The following SYN2 variants were observed in gnomAD, a reference collection of about 807,000 sequenced individuals.
The protein encoded by SYN2 is synapsin II.
A neutral mutation model predicts 50.9 loss-of-function variants in SYN2; 19 were observed. The ratio of observed to expected loss-of-function variants is 0.37; its 90% confidence interval spans 0.26 to 0.55. The LOEUF (loss-of-function observed/expected upper bound fraction) is 0.55, where lower values mean the gene tolerates loss of function less well. Ranked by LOEUF, SYN2 falls within the 20% of genes least tolerant of loss-of-function variation. SYN2 has a pLI of 0.81. For synonymous variants in SYN2, 255 were observed against 224.9 expected, an observed-to-expected ratio of 1.13 and a Z score of -1.20; for missense variants, 587 against 576.4, an observed-to-expected ratio of 1.02 and a Z score of -0.19.
intron 1 of SYN2, among the ~76,000 whole-genome samples, chr3:12,100,089 T>C (rs1395219577): frequency 2.6e-5 from 4 of 152,040 alleles, no homozygotes; most frequent in Non-Finnish European, 4.4e-5. Context: ...GGATTTGATA[T>C]GGATTACATT....
At chr3:12,177,173 A>G (rs1698094454) in intron 10 of SYN2, among the ~76,000 whole-genome samples, 1 of 152,190 alleles carries the variant, frequency 6.6e-6, no homozygotes, top group Non-Finnish European at 1.5e-5. Flanking sequence ...GTTCTCTGGT[A>G]TGAAGAGAAA....
intron 1 of SYN2, among the ~76,000 whole-genome samples, chr3:12,081,298 ATACT>A (rs1400078470): frequency 6.6e-6 from 1 of 152,214 alleles, no homozygotes; most frequent in Non-Finnish European, 1.5e-5. Context: ...GGAAAATGAA[ATACT>A]TAATATTACC....
chr3:12,123,610 A>C (rs1190300083), intron 1 of SYN2, among the ~76,000 whole-genome samples: 1 of 152,146 alleles, frequency 6.6e-6, no homozygotes, highest in African/African-American at 2.4e-5. Flanking sequence ...GTCTAAAGAA[A>C]AACACAAACA....
chr3:12,175,623 T>C (rs1483986116), intron 10 of SYN2, among the ~76,000 whole-genome samples: 2 of 152,246 alleles, frequency 1.3e-5, no homozygotes, highest in Non-Finnish European at 2.9e-5. Flanking sequence ...TGTTTCTCCT[T>C]CTCTATCGTT....
intron 1 of SYN2, among the ~76,000 whole-genome samples, chr3:12,077,138 TAGTTA>T (rs1180279948): frequency 2.0e-5 from 3 of 152,054 alleles, no homozygotes; most frequent in Non-Finnish European, 4.4e-5. Context: ...TCTCCACACC[TAGTTA>T]AGTTAATATG....
chr3:12,113,761 G>A (rs1233575112), intron 1 of SYN2, among the ~76,000 whole-genome samples: 2 of 152,108 alleles, frequency 1.3e-5, no homozygotes, highest in African/African-American at 4.8e-5. Context: ...TTTAATTCAT[G>A]TTGTAGTGTC....
At chr3:12,088,632 A>C (rs1333378270) in intron 1 of SYN2, among the ~76,000 whole-genome samples, 1 of 150,678 alleles carries the variant, frequency 6.6e-6, no homozygotes, top group Non-Finnish European at 1.5e-5. Context: ...ATATGGAAAC[A>C]ATCTAAGTGT....
chr3:12,008,398 G>A lies in SYN2; in HGVS notation c.377+3470G>A, dbSNP rs201539265. Among the ~76,000 whole-genome samples, 12 of 152,276 alleles carry A rather than the reference G, an allele frequency of 7.9e-5. No individual in the cohort carries two copies. The East Asian group carries it at 2.3e-3, about 29-fold the overall frequency. On this transcript the variant is annotated intron_variant, in intron 1 of 12. Coordinates refer to ENST00000621198, the MANE Select transcript of SYN2 (RefSeq NM_133625.6). Reference sequence around the variant, plus strand: ...CATCTAAGAGCTTGCTGTCCAGATAGGTAGATAAGATAAATACTTTTGAAA... The same window carrying A: ...CATCTAAGAGCTTGCTGTCCAGATAAGTAGATAAGATAAATACTTTTGAAA...
chr3:12,153,610 G>A, intron 5 of SYN2: 1 of 1,614,158 alleles, frequency 6.2e-7, no homozygotes. Context: ...CAGACATAAT[G>A]CTGAGCCTGG....
chr3:12,109,210 A>G (rs1324827328), intron 1 of SYN2, among the ~76,000 whole-genome samples: 2 of 152,194 alleles, frequency 1.3e-5, no homozygotes, highest in African/African-American at 4.8e-5. Flanking sequence ...ACACAGTGCT[A>G]AAGGCACAGT....
chr3:12,168,400 C>G lies in SYN2; in HGVS notation c.1080C>G (p.Cys360Trp). 4 of 1,613,854 alleles carry G rather than the reference C, an allele frequency of 2.5e-6. No individual in the cohort carries two copies. Among genetic ancestry groups the G allele is most frequent in the Non-Finnish European group, 3.4e-6 (4 of 1,179,874 alleles). The stretch of plus-strand genomic sequence containing the variant: ...GGTACAAACTGTGGGTGGACACCTG[C>G]TCTGAGATGTTTGGCGGCCTGGACA... ...SDRYKLWVDT[C>W]SEMFGGLDIC... The change falls in exon 9 of 13, where the codon TGC becomes TGG. Residue 360 changes from cysteine to tryptophan, a missense_variant. Transcript: ENST00000621198.
intron 1 of SYN2, chr3:12,071,576 T>G (rs1426591982): frequency 2.9e-6 from 1 of 350,842 alleles, no homozygotes; most frequent in Non-Finnish European, 5.6e-6. Context: ...TTTTACCCCT[T>G]GGTATTTGTA....
chr3:12,016,813 G>A (rs560253264), intron 1 of SYN2, among the ~76,000 whole-genome samples: 9 of 152,136 alleles, frequency 5.9e-5, no homozygotes, highest in South Asian at 4.2e-4. Flanking sequence ...CTGAGATCGC[G>A]CCACTGCACT....
intron 1 of SYN2, among the ~76,000 whole-genome samples, chr3:12,055,149 G>C (rs937663170): frequency 6.6e-6 from 1 of 151,910 alleles, no homozygotes; most frequent in African/African-American, 2.4e-5. Flanking sequence ...ATAAAGCAGA[G>C]AACACATCAA....
At chr3:12,011,904 A>G (rs147581451) in intron 1 of SYN2, among the ~76,000 whole-genome samples, 63 of 151,260 alleles carry the variant, frequency 4.2e-4, no homozygotes, top group African/African-American at 1.4e-3. Flanking sequence ...AAGGTACCAT[A>G]AAAGCATTTT....
chr3:12,025,720 C>A (rs771683858), intron 1 of SYN2, among the ~76,000 whole-genome samples: 1 of 152,118 alleles, frequency 6.6e-6, no homozygotes, highest in Non-Finnish European at 1.5e-5. Flanking sequence ...AAGTGGTCCC[C>A]TTCTGATACA....
intron 11 of SYN2, chr3:12,184,270 G>A: frequency 1.0e-6 from 1 of 985,868 alleles, no homozygotes; most frequent in South Asian, 4.7e-5. Context: ...TGAGTATTTT[G>A]TGTGTGTTGA....
intron 1 of SYN2, among the ~76,000 whole-genome samples, chr3:12,136,834 A>G (rs1175594286): frequency 2.0e-5 from 3 of 152,234 alleles, no homozygotes; most frequent in African/African-American, 7.2e-5. Context: ...GGGGAAATTG[A>G]CAACACAGGC....
chr3:12,136,726 G>A (rs148552943), intron 1 of SYN2, among the ~76,000 whole-genome samples: 1 of 152,234 alleles, frequency 6.6e-6, no homozygotes, highest in African/African-American at 2.4e-5. Flanking sequence ...AGCAATAAGG[G>A]GAGATGGTTC....
Sources: gnomAD v4.1 joint callset for allele counts (sites outside exome capture counted in the v4.1 genomes callset) on GRCh38, gnomAD v4.1.1 for gene constraint, MANE v1.5 for transcripts, NCBI Gene and HGNC (gene_info 2026-07-23, HGNC 2026-07-21) for gene names.